Variants in SPNS3 observed in about 807,000 individuals in gnomAD.
The protein encoded by SPNS3 is SPNS lysolipid transporter 3, sphingosine-1-phosphate (putative), also known as protein spinster homolog 3.
SPNS3 carries 51 observed loss-of-function variants against 54.4 expected under a neutral mutation model. The ratio of observed to expected loss-of-function variants is 0.94; its 90% confidence interval spans 0.75 to 1.18. SPNS3 has a LOEUF of 1.18. Ranked by LOEUF, SPNS3 falls within the 50% of genes most tolerant of loss-of-function variation. The pLI is 0.00. For missense variants in SPNS3, 669 were observed against 677.4 expected (o/e 0.99, Z 0.14); for synonymous variants, 309 against 294.7 (o/e 1.05, Z -0.50).
chr17:4,448,831 C>T lies in SPNS3; in HGVS notation c.771-404C>T, dbSNP rs937692109. On this transcript the variant is annotated intron_variant, in intron 6 of 11. Coordinates refer to ENST00000355530, the MANE Select transcript of SPNS3 (RefSeq NM_182538.5). ...TCTGTTACTGAGCTGTGAAACTGGT[C>T]GGGAGGACTCAGAGGAAGACAGGGC... 5.9e-5 allele frequency among the ~76,000 whole-genome samples: 9 copies of T among 152,224 alleles called. No homozygotes were observed. The South Asian group carries it at 1.7e-3, about 28-fold the overall frequency.
At chr17:4,485,589 GT>G (rs780350329) in intron 9 of SPNS3, among the ~76,000 whole-genome samples, 12 of 152,110 alleles carry the variant, frequency 7.9e-5, no homozygotes, top group Non-Finnish European at 1.8e-4. Flanking sequence ...TAGAGACAGG[GT>G]TTCACCATGT....
At chr17:4,438,037 T>C (rs1970758119) in intron 1 of SPNS3, among the ~76,000 whole-genome samples, 1 of 152,222 alleles carries the variant, frequency 6.6e-6, no homozygotes, top group Non-Finnish European at 1.5e-5. Flanking sequence ...TCTGCCGGCC[T>C]CGGCCTCCCA....
At chr17:4,474,448 G>A (rs1281721171) in intron 8 of SPNS3, among the ~76,000 whole-genome samples, 1 of 152,128 alleles carries the variant, frequency 6.6e-6, no homozygotes, top group Non-Finnish European at 1.5e-5. Context: ...CGAGCCCCCA[G>A]GGGATACTGG....
chr17:4,479,169 G>T (rs1358783681), intron 9 of SPNS3, among the ~76,000 whole-genome samples: 2 of 152,188 alleles, frequency 1.3e-5, no homozygotes, highest in East Asian at 3.8e-4. Context: ...CTTGAACCCT[G>T]ACCTCAGGTG....
intron 8 of SPNS3, among the ~76,000 whole-genome samples, chr17:4,475,580 C>T (rs983749029): frequency 3.9e-5 from 6 of 152,194 alleles, no homozygotes; most frequent in African/African-American, 1.2e-4. Flanking sequence ...GGATCAGCTC[C>T]GGCAGCTTGC....
At chr17:4,452,967 A>G (rs373786951) in intron 7 of SPNS3, 49 bp from the exon 8 acceptor site, 28 of 1,568,178 alleles carry the variant, frequency 1.8e-5, no homozygotes, top group East Asian at 9.0e-5. Context: ...AAGAGTCCCT[A>G]TGCTAAGCTC....
chr17:4,469,953 A>G (rs1416363766), intron 8 of SPNS3, among the ~76,000 whole-genome samples: 1 of 152,222 alleles, frequency 6.6e-6, no homozygotes, highest in Non-Finnish European at 1.5e-5. Context: ...TTCATCTACA[A>G]GAATAAATAA....
intron 9 of SPNS3, chr17:4,485,311 T>G (rs903927328): frequency 6.6e-6 from 1 of 152,038 alleles, no homozygotes; most frequent in Non-Finnish European, 1.5e-5. Context: ...GGAAGAAAGG[T>G]GAAACAGTTT....
intron 8 of SPNS3, among the ~76,000 whole-genome samples, chr17:4,465,920 G>T (rs1322346418): frequency 3.3e-5 from 5 of 152,254 alleles, no homozygotes; most frequent in Non-Finnish European, 7.3e-5. Context: ...TGTGTGCACA[G>T]TGGCGAAGCC....
At chr17:4,476,686 T>C (rs942284036) in intron 8 of SPNS3, among the ~76,000 whole-genome samples, 3 of 152,094 alleles carry the variant, frequency 2.0e-5, no homozygotes, top group African/African-American at 7.2e-5. Flanking sequence ...GCCAGCGACT[T>C]CCTGATTCCT....
At chr17:4,449,922 G>A (rs1213875358) in intron 7 of SPNS3, among the ~76,000 whole-genome samples, 1 of 152,088 alleles carries the variant, frequency 6.6e-6, no homozygotes, top group African/African-American at 2.4e-5. Flanking sequence ...TCTGCTGCCC[G>A]GCTGGGCTCC....
intron 7 of SPNS3, among the ~76,000 whole-genome samples, chr17:4,450,227 C>T (rs544316010): frequency 2.0e-4 from 30 of 151,996 alleles, no homozygotes; most frequent in Non-Finnish European, 3.2e-4. Flanking sequence ...ACTGCACCCA[C>T]GCCTACCTTC....
At chr17:4,435,102 G>A (rs1031685290) in intron 1 of SPNS3, among the ~76,000 whole-genome samples, 1 of 151,992 alleles carries the variant, frequency 6.6e-6, no homozygotes, top group African/African-American at 2.4e-5. Flanking sequence ...GCGCCCAGCC[G>A]AAACTCTGTC....
chr17:4,474,230 C>G (rs1971930029), intron 8 of SPNS3, among the ~76,000 whole-genome samples: 1 of 152,190 alleles, frequency 6.6e-6, no homozygotes, highest in Admixed American at 6.5e-5. Context: ...TGGGCTGCTG[C>G]CGGCCCCTGG....
intron 5 of SPNS3, among the ~76,000 whole-genome samples, chr17:4,447,401 C>A (rs1360426194): frequency 6.6e-6 from 1 of 152,212 alleles, no homozygotes; most frequent in Non-Finnish European, 1.5e-5. Context: ...GCCGGGCAGG[C>A]CCCGCTGGGG....
At chr17:4,438,048 A>G (rs1567551734) in intron 1 of SPNS3, among the ~76,000 whole-genome samples, 1 of 152,196 alleles carries the variant, frequency 6.6e-6, no homozygotes, top group Non-Finnish European at 1.5e-5. Flanking sequence ...CGGCCTCCCA[A>G]AGTGCTGGGA....
chr17:4,433,995 C>G lies in SPNS3; in HGVS notation c.28C>G (p.Pro10Ala). The G allele has an allele frequency of 6.3e-7, 1 of 1,581,936 alleles. No homozygotes were observed. Among genetic ancestry groups the G allele is most frequent in the South Asian group, 1.1e-5 (1 of 87,506 alleles). Residue 10 changes from proline to alanine, a missense_variant, in exon 1 of 12, where the codon CCT (proline) becomes GCT (alanine). Coordinates refer to ENST00000355530, the MANE Select transcript of SPNS3 (RefSeq NM_182538.5). ...GGCTGGGGGGATGTCAGCGGAGTGC[C>G]CTGAGCCTGGGCCAGGAGGTCTGCA... MAGGMSAEC[P>A]EPGPGGLQGQ... is the part of the protein sequence containing the mutation.
At position 4,478,569 on chromosome 17, in the gene SPNS3, C is replaced by CA; in HGVS notation, c.1114-2dup. On this transcript the variant is annotated splice_polypyrimidine_tract_variant and splice_region_variant and intron_variant, in intron 8 of 11. Transcript: ENST00000355530. ...CCTCACCCAGGCCACCCTCTGTCCA[C>CA]AGGTGTTCCTGGGCCTTGGGGAGCT... 6.4e-7 allele frequency: 1 copy of CA among 1,570,874 alleles called. No individual in the cohort carries two copies.
At position 4,483,133 on chromosome 17, in the gene SPNS3, C is replaced by T. The variant is rs1281813641; in HGVS notation, c.1180-3095C>T. Among the ~76,000 whole-genome samples the T allele has an allele frequency of 1.3e-5, 2 of 152,210 alleles. No homozygotes were observed. Among genetic ancestry groups the T allele is most frequent in the Non-Finnish European group, 2.9e-5 (2 of 68,036 alleles). ...CTGTCTGCTCACTGGCCTGTCTCAC[C>T]CTCTCAGGGGCGTCTGGGGGCGAGG... is the stretch of plus-strand genomic sequence containing the variant. On this transcript the variant is annotated intron_variant, in intron 9 of 11. Coordinates refer to ENST00000355530, the MANE Select transcript of SPNS3 (RefSeq NM_182538.5). This position sits in a 1 kb window ranked among gnomAD's most constrained non-coding sequence, Gnocchi z 4.2.
Sources: allele counts gnomAD v4.1 joint callset (sites outside exome capture counted in the v4.1 genomes callset), GRCh38; gene constraint gnomAD v4.1.1; non-coding constraint Gnocchi (gnomAD v3.1); transcripts MANE v1.5; gene names NCBI Gene and HGNC (gene_info 2026-07-23, HGNC 2026-07-21).